BRD3: variants seen among roughly 807,000 people sequenced by gnomAD.
BRD3 encodes the protein bromodomain containing 3.
Under a neutral mutation model 66.8 loss-of-function variants are expected in BRD3, and 17 were observed. The observed-to-expected ratio is 0.25, with a 90% CI of 0.17 to 0.38. BRD3 has a LOEUF of 0.38. Ranked by LOEUF, BRD3 falls within the 10% of genes least tolerant of loss-of-function variation. The pLI is 1.00. For synonymous variants in BRD3, 421 were observed against 393.2 expected (o/e 1.07, Z -0.84); for missense variants, 713 against 956.1 (o/e 0.75, Z 3.35).
chr9:134,067,711 G>A (rs1267953150), intron 1 of BRD3, among the ~76,000 whole-genome samples: 2 of 145,568 alleles, frequency 1.4e-5, no homozygotes, highest in Admixed American at 6.8e-5. Flanking sequence ...AGCGGAGCCC[G>A]CGCCACCGCC....
intron 1 of BRD3, chr9:134,054,465 C>G (rs1459899380): frequency 6.6e-6 from 1 of 152,336 alleles, no homozygotes; most frequent in Non-Finnish European, 1.5e-5. Context: ...CAGGGCCCTG[C>G]GGCGTGGCCC....
chr9:134,040,420 G>GC lies in BRD3; in HGVS notation c.1408-152dup, dbSNP rs1479907545. The stretch of plus-strand genomic sequence containing the variant: ...ACCAGGAGCACCTGGGCCCTGCTCT[G>GC]CCCCTCACTCCCGTGACCCCCAGTG... On this transcript the variant is annotated intron_variant, in intron 8 of 11. Transcript: ENST00000303407. 3.5e-6 allele frequency: 3 copies of GC among 856,754 alleles called. No homozygotes were observed. The African/African-American group carries it at 5.1e-5, about 15-fold the overall frequency. The allele number at this position is 856,754 out of a possible 1,614,324, so 53.1% of individuals were successfully genotyped here. A position where few individuals can be genotyped will look rare whatever the true frequency, so the allele number is the denominator to read the frequency against.
intron 1 of BRD3, among the ~76,000 whole-genome samples, chr9:134,062,524 A>G (rs758623069): frequency 6.6e-6 from 1 of 152,078 alleles, no homozygotes; most frequent in Non-Finnish European, 1.5e-5. Context: ...GCCCTGGGTG[A>G]GCGGCCTCTC....
chr9:134,068,468 C>CGGGCG (rs1830718607), upstream of BRD3: 9 of 150,238 alleles, frequency 6.0e-5, no homozygotes, highest in Admixed American at 5.3e-4. Flanking sequence ...CGGCCGCGCA[C>CGGGCG]GGGCGGGGCG....
chr9:134,051,889 G>T (rs7849743), intron 3 of BRD3, among the ~76,000 whole-genome samples, 180 bp from the exon 4 acceptor site: 2,008 of 58,412 alleles, frequency 0.034, 83 homozygotes, highest in African/African-American at 0.059. Flanking sequence ...TGTTTTTTTT[G>T]TTTTTTTTTT....
intron 4 of BRD3, 119 bp from the exon 5 acceptor site, chr9:134,050,707 C>T (rs928573853): frequency 2.6e-6 from 2 of 765,060 alleles, no homozygotes; most frequent in Non-Finnish European, 4.2e-6. Context: ...AGACCGCCGG[C>T]CAGAAGAACC....
rs996862145 is a variant in BRD3, at chr9:134,053,073, G to A, written c.213+192C>T. Among the ~76,000 whole-genome samples, 9 of 152,286 alleles carry A rather than the reference G, an allele frequency of 5.9e-5. No individual in the cohort carries two copies. In the East Asian group the frequency reaches 9.6e-4, roughly 16 times the overall value. On this transcript the variant is annotated intron_variant, in intron 2 of 11. Coordinates refer to ENST00000303407, the MANE Select transcript of BRD3 (RefSeq NM_007371.4). ...CCTATTTCCTGCACCTGGGGCAGCC[G>A]CCCTCCACTCTCCCACGCCCATGTG...
At chr9:134,039,880 C>A (rs1387668664) in intron 9 of BRD3, among the ~76,000 whole-genome samples, 154 bp downstream of exon 9, 1 of 152,140 alleles carries the variant, frequency 6.6e-6, no homozygotes, top group African/African-American at 2.4e-5. Flanking sequence ...CTTCCCAGCA[C>A]AGGTCTCATC....
intron 9 of BRD3, among the ~76,000 whole-genome samples, chr9:134,039,285 C>T (rs762705448): frequency 6.6e-6 from 1 of 152,230 alleles, no homozygotes; most frequent in African/African-American, 2.4e-5. Flanking sequence ...GAAAAGGAAG[C>T]ATGAACACCT....
At position 134,036,019 on chromosome 9, in the gene BRD3, G is replaced by C. The variant is rs747520538; in HGVS notation, c.1936+13C>G. 1.9e-6 allele frequency: 3 copies of C among 1,580,272 alleles called. No homozygotes were observed. The highest frequency in any genetic ancestry group is 8.6e-7 in the Non-Finnish European group (1 of 1,161,198). ...AGGAACTTCAAGCACCACGCTCCACGCAGGCAACTTACAGAACGGTTTCCT... is the reference window on the plus strand; with the variant it reads ...AGGAACTTCAAGCACCACGCTCCACCCAGGCAACTTACAGAACGGTTTCCT... On this transcript the variant is annotated intron_variant, in intron 10 of 11. Transcript: ENST00000303407.
chr9:134,047,005 G>A (rs1830185146), intron 6 of BRD3, among the ~76,000 whole-genome samples: 1 of 152,214 alleles, frequency 6.6e-6, no homozygotes. Context: ...CCTGGAGGCT[G>A]CAGCCGAGGC....
At chr9:134,048,480 C>T (rs1830223352) in intron 5 of BRD3, 26 bp from the exon 6 acceptor site, 4 of 1,596,530 alleles carry the variant, frequency 2.5e-6, no homozygotes, top group East Asian at 2.2e-5. Context: ...AACCAGTGAA[C>T]CCCGGAAACC....
At position 134,030,794 on chromosome 9, in the gene BRD3, G is replaced by A. The variant is rs180769022; in HGVS notation, c.*2796C>T. Reference sequence around the variant, plus strand: ...CACTGCCCAACACAAAGAGGGGTCTGGAGTTCAGTTCACGCCCGAAGCCTG... The same window carrying A: ...CACTGCCCAACACAAAGAGGGGTCTAGAGTTCAGTTCACGCCCGAAGCCTG... On this transcript the variant is annotated 3_prime_UTR_variant, in exon 12 of 12. Coordinates refer to ENST00000303407, the MANE Select transcript of BRD3 (RefSeq NM_007371.4). 1,081 of 232,448 alleles carry A rather than the reference G, an allele frequency of 4.7e-3. 15 individuals carry two copies. The highest frequency in any genetic ancestry group is 0.023 in the African/African-American group (1,023 of 45,426). 14.4% of individuals were successfully genotyped at this position (232,448 alleles called of 1,614,324 possible).
At chr9:134,034,633 C>G in intron 11 of BRD3, 68 bp downstream of exon 11, 1 of 1,586,812 alleles carries the variant, frequency 6.3e-7, no homozygotes, top group South Asian at 1.1e-5. Context: ...CTGCTCGATG[C>G]TCAAACCCCT....
At position 134,045,956 on chromosome 9, in the gene BRD3, A is replaced by T. The variant is rs574880793; in HGVS notation, c.1087-535T>A. Among the ~76,000 whole-genome samples, 7 of 152,322 alleles carry T rather than the reference A, an allele frequency of 4.6e-5. No homozygotes were observed. The South Asian group carries it at 1.4e-3, about 32-fold the overall frequency. On this transcript the variant is annotated intron_variant, in intron 6 of 11. Coordinates refer to ENST00000303407, the MANE Select transcript of BRD3 (RefSeq NM_007371.4). This position sits in a 1 kb window ranked among gnomAD's most constrained non-coding sequence, Gnocchi z 4.8. ...CCTGGTATCCCAGGGGCCTAGCTGG[A>T]CCTAAGGGACTCCACGCTGTGTCCA...
intron 1 of BRD3, among the ~76,000 whole-genome samples, chr9:134,054,650 A>C (rs12345465): frequency 6.6e-6 from 1 of 152,140 alleles, no homozygotes; most frequent in African/African-American, 2.4e-5. Flanking sequence ...CAGCTCTGCC[A>C]TGGGAGGAGC....
chr9:134,049,440 C>T (rs879343708), intron 5 of BRD3, among the ~76,000 whole-genome samples: 3 of 152,250 alleles, frequency 2.0e-5, no homozygotes, highest in South Asian at 2.1e-4. Context: ...CGCCCTCAGA[C>T]TGGCAGGGGC....
intron 1 of BRD3, among the ~76,000 whole-genome samples, chr9:134,066,236 G>A (rs1307307713): frequency 2.0e-5 from 3 of 152,178 alleles, no homozygotes; most frequent in African/African-American, 7.2e-5. Context: ...CGGAAGGTCA[G>A]AAAGAAATGC....
At chr9:134,051,865 G>A (rs868832144) in intron 3 of BRD3, among the ~76,000 whole-genome samples, 156 bp from the exon 4 acceptor site, 2,286 of 114,964 alleles carry the variant, frequency 0.02, 128 homozygotes, top group African/African-American at 0.08. Context: ...GTGTGTGTGT[G>A]TGTGTGTGTG....
Sources: allele counts gnomAD v4.1 joint callset (sites outside exome capture counted in the v4.1 genomes callset), GRCh38; gene constraint gnomAD v4.1.1; non-coding constraint Gnocchi (gnomAD v3.1); transcripts MANE v1.5; gene names NCBI Gene and HGNC (gene_info 2026-07-23, HGNC 2026-07-21).